MYH7B: variants seen among roughly 807,000 people sequenced by gnomAD.
The protein encoded by MYH7B is myosin-7B.
A neutral mutation model predicts 234.5 loss-of-function variants in MYH7B; 205 were observed. The observed-to-expected ratio is 0.87, with a 90% CI of 0.78 to 0.98. MYH7B has a LOEUF of 0.98. Ranked by LOEUF, MYH7B falls within the 50% of genes least tolerant of loss-of-function variation. The probability of loss-of-function intolerance (pLI) is 0.00; values close to 1 mark genes in which losing one functional copy is unlikely to be tolerated. For missense variants in MYH7B, 2,652 were observed against 2,633.4 expected (o/e 1.01, Z -0.15); for synonymous variants, 1,193 against 1,105.0 (o/e 1.08, Z -1.58).
chr20:35,001,684 T>G, intron 43 of MYH7B, 158 bp downstream of exon 43: 1 of 800,820 alleles, frequency 1.2e-6, no homozygotes, highest in Non-Finnish European at 2.0e-6. Context: ...CAGACCTAGC[T>G]CCTTCTCATG....
At chr20:34,996,106 T>C (rs919870857) in intron 28 of MYH7B, among the ~76,000 whole-genome samples, 1 of 152,234 alleles carries the variant, frequency 6.6e-6, no homozygotes, top group South Asian at 2.1e-4. Context: ...GGCTGGCATC[T>C]GTGGATTTCT....
At chr20:35,000,247 G>T in intron 38 of MYH7B, 46 bp from the exon 39 acceptor site, 2 of 1,529,070 alleles carry the variant, frequency 1.3e-6, no homozygotes, top group Non-Finnish European at 1.7e-6. Flanking sequence ...TGTAAGGACA[G>T]GTATGCCCTT....
rs577441021 is a variant in MYH7B at position 34,960,335 on chromosome 20, A to G, written c.-222+2123A>G. Among the ~76,000 whole-genome samples the G allele has an allele frequency of 3.9e-5, 6 of 152,202 alleles. No individual in the cohort carries two copies. In the South Asian group the frequency reaches 1.2e-3, roughly 32 times the overall value. On this transcript the variant is annotated intron_variant, in intron 2 of 44. Coordinates refer to ENST00000262873, the Ensembl canonical transcript of MYH7B. The stretch of plus-strand genomic sequence containing the variant: ...ACTGCAAGCTCCGCCTCCCGTGTTC[A>G]TGCCATTCTCCTACCTCAGCCTCCC...
In MYH7B at chr20:34,987,545, G is replaced by A. The variant is rs202050884; in HGVS notation, c.1148-12G>A. 5.4e-6 allele frequency: 7 copies of A among 1,288,548 alleles called. No individual in the cohort carries two copies. Among genetic ancestry groups the A allele is most frequent in the Non-Finnish European group, 6.2e-6 (6 of 973,858 alleles). The allele number at this position is 1,288,548 out of a possible 1,614,324, so 79.8% of individuals were successfully genotyped here. ...GGTGTCCTCCTCCCTTACCCCACTC[G>A]TGCCCTGCCAGGTGCTGACAAGGCT... On this transcript the variant is annotated splice_polypyrimidine_tract_variant and intron_variant, in intron 16 of 44. Transcript: ENST00000262873.
rs531028513 is a variant in MYH7B, at chr20:34,994,317, G to A, written c.2616G>A (p.Ala872=). The stretch of plus-strand genomic sequence containing the variant: ...GGGGGTTGCGAGGGGCGCTGGCTGC[G>A]GCCGAGGCCAAGCGCCAGGAACTGG... The change falls in exon 27 of 45, where the codon GCG becomes GCA. Residue 872 remains alanine, a synonymous_variant. Coordinates refer to ENST00000262873, the Ensembl canonical transcript of MYH7B. 6.1e-5 allele frequency: 99 copies of A among 1,609,970 alleles called. No homozygotes were observed. The South Asian group carries it at 6.3e-4, about 10-fold the overall frequency.
Position 34,996,683 on chromosome 20 carries a change from G to A in MYH7B, c.3191G>A (p.Gly1064Asp), listed in dbSNP as rs758789474. 12 of 1,613,646 alleles carry A rather than the reference G, an allele frequency of 7.4e-6. No individual in the cohort carries two copies. The South Asian group carries it at 9.9e-5, about 13-fold the overall frequency. ...GAGCGGGCCAAGCGCAAGCTGGAGG[G>A]TGACCTGAAGCTGACGCAGGAGTCG... Residue 1064 changes from glycine (G) to aspartate (D), a missense_variant, in exon 30 of 45, where the codon GGT becomes GAT. Gly to Asp is a moderately conservative substitution (Grantham distance 94). Around this residue, in one of 3 missense-constraint regions of MYH7B, gnomAD observed 2,279 missense variants for 2,211.4 expected, o/e 1.03. Transcript: ENST00000262873.
intron 2 of MYH7B, among the ~76,000 whole-genome samples, chr20:34,968,833 G>A (rs975058848): frequency 2.0e-5 from 3 of 151,954 alleles, no homozygotes; most frequent in Non-Finnish European, 4.4e-5. Context: ...GATGGAGCCC[G>A]CAGGACACCC....
chr20:34,978,648 A>G (rs1241397272), intron 5 of MYH7B, among the ~76,000 whole-genome samples: 5 of 152,200 alleles, frequency 3.3e-5, no homozygotes, highest in African/African-American at 1.2e-4. Context: ...AGGTGGGGCC[A>G]GCACCAGACC....
At chr20:34,964,220 G>T (rs1248732534) in intron 2 of MYH7B, among the ~76,000 whole-genome samples, 1 of 152,076 alleles carries the variant, frequency 6.6e-6, no homozygotes, top group Non-Finnish European at 1.5e-5. Context: ...CATCCTCACC[G>T]AGACAGAATG....
chr20:34,968,365 T>C (rs1249598944), intron 2 of MYH7B, among the ~76,000 whole-genome samples: 1 of 152,250 alleles, frequency 6.6e-6, no homozygotes, highest in Non-Finnish European at 1.5e-5. Flanking sequence ...GCTCTCTGCA[T>C]GTGTTATTTC....
At chr20:35,000,539 G>C (rs776693097) in exon 39 of MYH7B, 5 of 1,585,748 alleles carry the variant, frequency 3.2e-6, no homozygotes, top group Non-Finnish European at 4.3e-6. Context: ...AGCTCCACGA[G>C]CAGGCGCAGG....
At chr20:34,972,463 C>T (rs1333536659) in intron 2 of MYH7B, among the ~76,000 whole-genome samples, 1 of 152,086 alleles carries the variant, frequency 6.6e-6, no homozygotes, top group African/African-American at 2.4e-5. Flanking sequence ...TACACGTACC[C>T]CATTACCCTC....
rs1184660902 is a variant in MYH7B, at chr20:34,986,626, TG to T, written c.905-258del. On this transcript the variant is annotated intron_variant, in intron 14 of 44. Coordinates refer to ENST00000262873, the Ensembl canonical transcript of MYH7B. ...AAAGATGAGTGAGACGTGAGGACTG[TG>T]GCTCATTCCTCAGAGAACCAGAAAA... Among the ~76,000 whole-genome samples the T allele has an allele frequency of 4.6e-5, 7 of 152,192 alleles. No individual in the cohort carries two copies. In the East Asian group the frequency reaches 1.3e-3, roughly 29 times the overall value.
chr20:34,990,315 G>A lies in MYH7B; in HGVS notation c.1977+5G>A. 1 of 1,614,150 alleles carries A rather than the reference G, an allele frequency of 6.2e-7. No individual in the cohort carries two copies. On this transcript the variant is annotated splice_donor_5th_base_variant and intron_variant, in intron 22 of 44. Transcript: ENST00000262873. ...ACGGTGTCCCAGCTGCACAAGGTAA[G>A]GCCCCATCTGGGAGACAGACCCTCC...
intron 6 of MYH7B, 35 bp from the exon 7 acceptor site, chr20:34,979,626 C>T (rs372358038): frequency 6.1e-5 from 98 of 1,613,138 alleles, no homozygotes; most frequent in African/African-American, 5.7e-4. Flanking sequence ...CGGTTCCTCC[C>T]GGTCCCCCGG....
chr20:34,973,082 C>T (rs994760368), intron 2 of MYH7B, among the ~76,000 whole-genome samples: 4 of 152,176 alleles, frequency 2.6e-5, no homozygotes, highest in Non-Finnish European at 4.4e-5. Context: ...CCAACTCCTG[C>T]AGGATAAAGT....
At chr20:34,986,783 C>A (rs185134541) in intron 14 of MYH7B, 103 bp from the exon 15 acceptor site, 1 of 901,042 alleles carries the variant, frequency 1.1e-6, no homozygotes, top group Non-Finnish European at 1.8e-6. Context: ...GCCCTAGACT[C>A]CTGCTGGGCT....
exon 41 of MYH7B, chr20:35,001,068 G>C (rs1470163667): frequency 3.1e-6 from 5 of 1,613,842 alleles, no homozygotes; most frequent in Non-Finnish European, 4.2e-6. Flanking sequence ...CGCTGGAGCA[G>C]ACGGTGCGCG....
chr20:34,992,311 G>A lies in MYH7B; in HGVS notation c.2184-791G>A, dbSNP rs577884939. On this transcript the variant is annotated intron_variant, in intron 24 of 44. Coordinates refer to ENST00000262873, the Ensembl canonical transcript of MYH7B. ...TGAGGCAGGAGAATGGCCTGAACCCGGGAGGCAGAGCTTGCAGTGAGCAGA... is the reference window on the plus strand; with the variant it reads ...TGAGGCAGGAGAATGGCCTGAACCCAGGAGGCAGAGCTTGCAGTGAGCAGA... Among the ~76,000 whole-genome samples the A allele has an allele frequency of 6.0e-5, 9 of 150,794 alleles. 1 individual carries two copies. The South Asian group carries it at 1.7e-3, about 28-fold the overall frequency.
Sources: allele counts gnomAD v4.1 joint callset (sites outside exome capture counted in the v4.1 genomes callset), GRCh38; gene constraint gnomAD v4.1.1; regional missense constraint gnomAD v4.1.1; transcripts MANE v1.5; gene names NCBI Gene and HGNC (gene_info 2026-07-23, HGNC 2026-07-21).